GRID2: variants seen among roughly 807,000 people sequenced by gnomAD.
GRID2 encodes glutamate ionotropic receptor delta type subunit 2, also known as glutamate receptor ionotropic, delta-2.
GRID2 carries 33 observed loss-of-function variants against 114.8 expected under a neutral mutation model. That is an observed-to-expected ratio of 0.29 (90% CI 0.22 to 0.38). The LOEUF is 0.38. GRID2 is among the 10% of genes least tolerant of loss of function. The probability of loss-of-function intolerance (pLI) is 1.00; values close to 1 mark genes in which losing one functional copy is unlikely to be tolerated. For synonymous variants in GRID2, 505 were observed against 449.9 expected, an observed-to-expected ratio of 1.12 and a Z score of -1.55; for missense variants, 1,184 against 1,257.7, an observed-to-expected ratio of 0.94 and a Z score of 0.89.
intron 2 of GRID2, among the ~76,000 whole-genome samples, chr4:92,836,026 G>A (rs997661328): frequency 6.6e-6 from 1 of 151,972 alleles, no homozygotes; most frequent in Non-Finnish European, 1.5e-5. Context: ...TTATATCAGA[G>A]GTCAGCAAAC....
intron 13 of GRID2, among the ~76,000 whole-genome samples, chr4:93,567,093 T>C (rs549702206): frequency 7.2e-5 from 11 of 152,254 alleles, no homozygotes; most frequent in African/African-American, 2.6e-4. Context: ...GATGTCTAGT[T>C]GTGGAGCCTA....
chr4:93,714,000 CAT>C (rs1200053069), intron 14 of GRID2, among the ~76,000 whole-genome samples: 1 of 151,976 alleles, frequency 6.6e-6, no homozygotes, highest in Admixed American at 6.6e-5. Flanking sequence ...CGTAGGTAAA[CAT>C]GTGCCATGGT....
chr4:92,681,865 T>C (rs1733666754), intron 2 of GRID2, among the ~76,000 whole-genome samples: 2 of 152,014 alleles, frequency 1.3e-5, no homozygotes, highest in Non-Finnish European at 2.9e-5. Flanking sequence ...ATGGAAGCCA[T>C]ATGCATTCTG....
At chr4:93,291,153 G>A (rs991367895) in intron 8 of GRID2, among the ~76,000 whole-genome samples, 2 of 152,008 alleles carry the variant, frequency 1.3e-5, no homozygotes, top group Admixed American at 6.6e-5. Flanking sequence ...GGTTATAGGC[G>A]TAAGCCACCG....
chr4:92,800,526 G>A (rs1424186035), intron 2 of GRID2, among the ~76,000 whole-genome samples: 1 of 151,708 alleles, frequency 6.6e-6, no homozygotes, highest in Non-Finnish European at 1.5e-5. Flanking sequence ...TTGAAGGAGA[G>A]GTAACCACAG....
intron 14 of GRID2, among the ~76,000 whole-genome samples, chr4:93,664,649 G>C (rs1291414755): frequency 6.6e-6 from 1 of 152,160 alleles, no homozygotes; most frequent in African/African-American, 2.4e-5. Context: ...TTTGGGGTGG[G>C]TAGGGACGTG....
intron 1 of GRID2, among the ~76,000 whole-genome samples, chr4:93,806,396 A>G (rs1735034167): frequency 6.6e-6 from 1 of 152,182 alleles, no homozygotes; most frequent in African/African-American, 2.4e-5. Flanking sequence ...TTTCTGGTGA[A>G]GATATTGAAG....
intron 2 of GRID2, among the ~76,000 whole-genome samples, chr4:93,018,065 T>G (rs1722935132): frequency 6.6e-6 from 1 of 151,824 alleles, no homozygotes; most frequent in Non-Finnish European, 1.5e-5. Context: ...CTACAGTTTT[T>G]CACTGTTCAG....
intron 2 of GRID2, among the ~76,000 whole-genome samples, chr4:93,022,046 T>G (rs1167897079): frequency 1.3e-5 from 2 of 151,444 alleles, no homozygotes; most frequent in Admixed American, 1.3e-4. Context: ...ACAGAAAATA[T>G]ATTATTCAAT....
intron 8 of GRID2, among the ~76,000 whole-genome samples, chr4:93,250,737 T>C (rs1021669151): frequency 6.8e-6 from 1 of 147,266 alleles, no homozygotes. Flanking sequence ...TGTGCATATA[T>C]ATAATGTTAT....
chr4:92,353,728 C>T lies in GRID2; in HGVS notation c.88+48984C>T, dbSNP rs184606924. ...GTGGGGCCCCTCCTTCAACGCTTAACCAGACTTGCACTGAACATATGGATC... is the reference window on the plus strand; with the variant it reads ...GTGGGGCCCCTCCTTCAACGCTTAATCAGACTTGCACTGAACATATGGATC... On this transcript the variant is annotated intron_variant, in intron 1 of 15. Coordinates refer to ENST00000282020, the MANE Select transcript of GRID2 (RefSeq NM_001510.4). 3.2e-3 allele frequency among the ~76,000 whole-genome samples: 483 copies of T among 152,118 alleles called. 3 individuals carry two copies. The highest frequency in any genetic ancestry group is 0.011 in the African/African-American group (440 of 41,526).
intron 1 of GRID2, among the ~76,000 whole-genome samples, chr4:92,329,685 G>GA (rs775638167): frequency 1.3e-5 from 2 of 151,816 alleles, no homozygotes; most frequent in East Asian, 1.9e-4. Flanking sequence ...AAACAAAATA[G>GA]AAAAAACACT....
chr4:93,266,760 C>T (rs1176534338), intron 8 of GRID2, among the ~76,000 whole-genome samples: 2 of 152,092 alleles, frequency 1.3e-5, no homozygotes, highest in East Asian at 1.9e-4. Flanking sequence ...GGATCTCTTT[C>T]CTCTTGAGTC....
At chr4:93,644,782 A>G (rs1341230532) in intron 14 of GRID2, among the ~76,000 whole-genome samples, 5 of 152,204 alleles carry the variant, frequency 3.3e-5, no homozygotes, top group African/African-American at 4.8e-5. Context: ...GAGGCTGTAA[A>G]TATCAGACCA....
chr4:93,362,408 C>T (rs577687247), intron 8 of GRID2, among the ~76,000 whole-genome samples: 1 of 152,078 alleles, frequency 6.6e-6, no homozygotes. Flanking sequence ...TGATCCTACT[C>T]ATCCTCCTCA....
intron 13 of GRID2, among the ~76,000 whole-genome samples, chr4:93,520,997 G>A (rs745674169): frequency 6.6e-6 from 1 of 152,020 alleles, no homozygotes; most frequent in Admixed American, 6.6e-5. Flanking sequence ...AGGCGGGGGT[G>A]GACCAGAGTG....
chr4:92,515,835 G>A (rs561742803), intron 1 of GRID2, among the ~76,000 whole-genome samples: 1 of 151,896 alleles, frequency 6.6e-6, no homozygotes, highest in Non-Finnish European at 1.5e-5. Flanking sequence ...CCTACATTTT[G>A]TGACTTTCTA....
intron 2 of GRID2, among the ~76,000 whole-genome samples, chr4:93,029,913 C>G (rs1037444511): frequency 1.3e-5 from 2 of 152,144 alleles, no homozygotes; most frequent in African/African-American, 4.8e-5. Context: ...CCAGGCTGCT[C>G]TTTCTTAGCA....
At chr4:92,593,510 G>T (rs1325676654) in intron 2 of GRID2, among the ~76,000 whole-genome samples, 1 of 151,730 alleles carries the variant, frequency 6.6e-6, no homozygotes, top group Non-Finnish European at 1.5e-5. Flanking sequence ...GTACATTTTT[G>T]GATAGCAATT....
Sources: allele counts gnomAD v4.1 joint callset (sites outside exome capture counted in the v4.1 genomes callset), GRCh38; gene constraint gnomAD v4.1.1; transcripts MANE v1.5; gene names NCBI Gene and HGNC (gene_info 2026-07-23, HGNC 2026-07-21).